PDE1A: variants seen among roughly 807,000 people sequenced by gnomAD.
PDE1A encodes the protein phosphodiesterase 1A.
Under a neutral mutation model 61.7 loss-of-function variants are expected in PDE1A, and 35 were observed. The observed-to-expected ratio is 0.57, with a 90% confidence interval of 0.43 to 0.75. The LOEUF is 0.75. PDE1A is among the 30% of genes least tolerant of loss of function. PDE1A has a pLI of 0.00. For missense variants in PDE1A, 597 were observed against 630.6 expected, an observed-to-expected ratio of 0.95 and a Z score of 0.57; for synonymous variants, 232 against 213.2, an observed-to-expected ratio of 1.09 and a Z score of -0.77.
At chr2:182,373,834 G>A (rs1048038263) in intron 1 of PDE1A, among the ~76,000 whole-genome samples, 1 of 152,004 alleles carries the variant, frequency 6.6e-6, no homozygotes, top group Non-Finnish European at 1.5e-5. Context: ...TATATGACAA[G>A]AAAACAAGAG....
At position 182,497,454 on chromosome 2, in the gene PDE1A, T is replaced by G. The variant is rs1236934807; in HGVS notation, c.101+24822A>C. ...AAGACAAGGTAAGTCCTTAATTTCC[T>G]CCTCAGTACCTGGTAACTATTGTTC... On this transcript the variant is annotated intron_variant, in intron 2 of 14. Coordinates refer to the PDE1A transcript ENST00000410103. Among the ~76,000 whole-genome samples the G allele has an allele frequency of 2.0e-5, 3 of 152,210 alleles. No homozygotes were observed. The East Asian group carries it at 5.8e-4, about 29-fold the overall frequency.
chr2:182,584,329 G>T, the PDE1A span, among the ~76,000 whole-genome samples: 1 of 152,138 alleles, frequency 6.6e-6, no homozygotes, highest in East Asian at 1.9e-4. Flanking sequence ...TAAAAAGGCA[G>T]CTCTAGAGAT....
intron 7 of PDE1A, among the ~76,000 whole-genome samples, chr2:182,213,704 G>A (rs1184656420): frequency 1.1e-4 from 8 of 71,216 alleles, no homozygotes; most frequent in African/African-American, 2.1e-4. Context: ...GAAGCGAGAA[G>A]GGAAGTTTAG....
intron 2 of PDE1A, among the ~76,000 whole-genome samples, chr2:182,521,273 T>C (rs1690549713): frequency 6.6e-6 from 1 of 152,046 alleles, no homozygotes; most frequent in Non-Finnish European, 1.5e-5. Context: ...TTTTTAAAAA[T>C]AGTGTGTAAA....
At chr2:182,191,624 C>T (rs1187757729) in intron 10 of PDE1A, among the ~76,000 whole-genome samples, 1 of 150,514 alleles carries the variant, frequency 6.6e-6, no homozygotes, top group East Asian at 2.0e-4. Flanking sequence ...ATTAAAATTG[C>T]AAAAACCACA....
chr2:182,327,960 C>A (rs1005162323), intron 1 of PDE1A, among the ~76,000 whole-genome samples: 1 of 152,170 alleles, frequency 6.6e-6, no homozygotes, highest in African/African-American at 2.4e-5. Flanking sequence ...CGATTTAGCA[C>A]CTAAGTAGAA....
At chr2:182,443,254 C>A (rs1684908374) in intron 2 of PDE1A, among the ~76,000 whole-genome samples, 1 of 151,418 alleles carries the variant, frequency 6.6e-6, no homozygotes, top group Non-Finnish European at 1.5e-5. Flanking sequence ...GCTTAAAAAT[C>A]TTTCAGTGGC....
intron 1 of PDE1A, among the ~76,000 whole-genome samples, chr2:182,372,010 G>A (rs111697251): frequency 0.038 from 5,820 of 152,256 alleles, 158 homozygotes; most frequent in Middle Eastern, 0.068. Context: ...TGTCCAAGCT[G>A]ATCTCAAACT....
the PDE1A span, among the ~76,000 whole-genome samples, chr2:182,547,843 ATAAAG>A: frequency 6.6e-6 from 1 of 152,216 alleles, no homozygotes; most frequent in East Asian, 1.9e-4. Flanking sequence ...GAATTAACTG[ATAAAG>A]TAATTATTTC....
At chr2:182,442,286 T>A (rs62188270) in intron 2 of PDE1A, among the ~76,000 whole-genome samples, 26,919 of 151,842 alleles carry the variant, frequency 0.18, 2,804 homozygotes, top group Middle Eastern at 0.36. Context: ...ATAATTGGCC[T>A]GTACTCTAAA....
At chr2:182,703,671 T>C in the PDE1A span, among the ~76,000 whole-genome samples, 1 of 152,182 alleles carries the variant, frequency 6.6e-6, no homozygotes, top group South Asian at 2.1e-4. Context: ...CTCTGCCAAT[T>C]AGCTGTGTCA....
At chr2:182,555,448 T>C in the PDE1A span, among the ~76,000 whole-genome samples, 1 of 152,244 alleles carries the variant, frequency 6.6e-6, no homozygotes, top group South Asian at 2.1e-4. Context: ...ACCTCTTTTT[T>C]CACATAAATT....
the PDE1A span, among the ~76,000 whole-genome samples, chr2:182,693,807 C>A: frequency 6.6e-6 from 1 of 151,880 alleles, no homozygotes; most frequent in Non-Finnish European, 1.5e-5. Context: ...CCACCACACC[C>A]AACTAATTTT....
chr2:182,444,370 C>A (rs1177883116), intron 2 of PDE1A, among the ~76,000 whole-genome samples: 1 of 152,046 alleles, frequency 6.6e-6, no homozygotes, highest in Non-Finnish European at 1.5e-5. Context: ...CTTCCAGTTT[C>A]AAATCATCAG....
chr2:182,322,727 ACACT>A (rs1696775298), intron 1 of PDE1A, among the ~76,000 whole-genome samples: 1 of 152,204 alleles, frequency 6.6e-6, no homozygotes. Context: ...TTTACTTAAG[ACACT>A]CACCATTTTT....
the PDE1A span, among the ~76,000 whole-genome samples, chr2:182,550,714 G>A: frequency 6.6e-6 from 1 of 152,120 alleles, no homozygotes; most frequent in Non-Finnish European, 1.5e-5. Flanking sequence ...TCTGTGCCAG[G>A]TAAAAGATCA....
chr2:182,230,975 C>A, intron 5 of PDE1A, 40 bp downstream of exon 5: 2 of 937,582 alleles, frequency 2.1e-6, no homozygotes, highest in Non-Finnish European at 3.4e-6. Flanking sequence ...CTCAAATAAC[C>A]AATTCTAAGA....
chr2:182,460,181 G>A (rs1445950645), intron 2 of PDE1A, among the ~76,000 whole-genome samples: 13 of 151,992 alleles, frequency 8.6e-5, no homozygotes, highest in Admixed American at 8.5e-4. Context: ...TCCAACTATT[G>A]TTATCTTTGT....
intron 6 of PDE1A, among the ~76,000 whole-genome samples, chr2:182,228,004 G>A (rs1181604401): frequency 6.6e-6 from 1 of 152,088 alleles, no homozygotes; most frequent in Non-Finnish European, 1.5e-5. Context: ...CGCAGTGCCA[G>A]GAGCCCTCTA....
Sources: allele counts gnomAD v4.1 joint callset (sites outside exome capture counted in the v4.1 genomes callset), GRCh38; gene constraint gnomAD v4.1.1; transcripts MANE v1.5; gene names NCBI Gene and HGNC (gene_info 2026-07-23, HGNC 2026-07-21).